The following TANGO2 variants were observed in gnomAD, a reference collection of about 807,000 sequenced individuals.
TANGO2 encodes transport and golgi organization 2 homolog, also known as transport and Golgi organization protein 2 homolog.
A neutral mutation model predicts 39.1 loss-of-function variants in TANGO2; 26 were observed. That is an observed-to-expected ratio of 0.67 (90% CI 0.49 to 0.92). The LOEUF (loss-of-function observed/expected upper bound fraction) is 0.92. Ranked by LOEUF, TANGO2 falls within the 40% of genes least tolerant of loss-of-function variation. The probability of loss-of-function intolerance (pLI) is 0.00; values close to 1 mark genes in which losing one functional copy is unlikely to be tolerated. For missense variants in TANGO2, 326 were observed against 360.1 expected, an observed-to-expected ratio of 0.91 and a Z score of 0.77; for synonymous variants, 131 against 144.5, an observed-to-expected ratio of 0.91 and a Z score of 0.67.
At chr22:20,058,631 G>T (rs2047811009) in intron 6 of TANGO2, among the ~76,000 whole-genome samples, 1 of 144,282 alleles carries the variant, frequency 6.9e-6, no homozygotes, top group Non-Finnish European at 1.5e-5. Flanking sequence ...GACAGAGTGA[G>T]ATTGCATCTC....
chr22:20,052,732 T>C, intron 4 of TANGO2, 148 bp downstream of exon 4: 1 of 1,055,546 alleles, frequency 9.5e-7, no homozygotes, highest in Non-Finnish European at 1.4e-6. Flanking sequence ...TGCTTGTGCT[T>C]GGGAGTGGGA....
rs1455628044 is a variant in TANGO2 at position 20,063,458 on chromosome 22, G to A, written c.710+16G>A. The A allele has an allele frequency of 6.2e-7, 1 of 1,605,776 alleles. No individual in the cohort carries two copies. Among genetic ancestry groups the A allele is most frequent in the Non-Finnish European group, 8.5e-7 (1 of 1,174,800 alleles). On this transcript the variant is annotated intron_variant, in intron 8 of 8. Transcript: ENST00000327374. ...ACGGCACCAGGTATTGCAGCACCGT[G>A]GGTGCGCCACCTCCTATCCCATGTC... is the stretch of plus-strand genomic sequence containing the variant.
At position 20,066,746 on chromosome 22, in the gene TANGO2, A is replaced by G. The variant is rs1027685600; in HGVS notation, c.*2084A>G. Among the ~76,000 whole-genome samples, 2 of 152,034 alleles carry G rather than the reference A, an allele frequency of 1.3e-5. No homozygotes were observed. Among genetic ancestry groups the G allele is most frequent in the Non-Finnish European group, 2.9e-5 (2 of 67,980 alleles). ...ACATTCACCTGCCCCAGTGGCTACC[A>G]TGTCCTGTGCCGGTGACCAGTGCCA... On this transcript the variant is annotated 3_prime_UTR_variant, in exon 9 of 9. Transcript: ENST00000327374.
At chr22:20,036,537 G>A (rs1185214699) in intron 1 of TANGO2, among the ~76,000 whole-genome samples, 1 of 152,212 alleles carries the variant, frequency 6.6e-6, no homozygotes, top group African/African-American at 2.4e-5. Flanking sequence ...CAGGGCTGGT[G>A]TTGCAGGTGG....
At chr22:20,051,691 A>C (rs1336279911) in intron 3 of TANGO2, among the ~76,000 whole-genome samples, 1 of 151,994 alleles carries the variant, frequency 6.6e-6, no homozygotes, top group East Asian at 1.9e-4. Flanking sequence ...GTCTGTACAA[A>C]AAAATGCAAA....
intron 1 of TANGO2, among the ~76,000 whole-genome samples, chr22:20,028,614 C>T (rs986197900): frequency 1.3e-5 from 2 of 152,188 alleles, no homozygotes; most frequent in African/African-American, 2.4e-5. Context: ...GAGGGACCAG[C>T]GTTTCTTGGT....
At chr22:20,049,238 C>T (rs1569300036) in intron 3 of TANGO2, among the ~76,000 whole-genome samples, 4 of 152,202 alleles carry the variant, frequency 2.6e-5, no homozygotes, top group Admixed American at 6.5e-5. Context: ...ATTACTATGG[C>T]AACTTGGTTG....
At chr22:20,036,933 G>C in intron 2 of TANGO2, 79 bp downstream of exon 2, 5 of 1,614,092 alleles carry the variant, frequency 3.1e-6, no homozygotes, top group Non-Finnish European at 4.2e-6. Context: ...CCAAGCTGCT[G>C]TGTGCAGGAA....
intron 1 of TANGO2, among the ~76,000 whole-genome samples, chr22:20,024,493 T>C (rs1028251497): frequency 1.3e-5 from 2 of 152,226 alleles, no homozygotes; most frequent in African/African-American, 4.8e-5. Flanking sequence ...CCCTGGGGGC[T>C]GCCACCGCTG....
chr22:20,042,015 T>C (rs950393025), intron 2 of TANGO2, among the ~76,000 whole-genome samples: 6 of 151,620 alleles, frequency 4.0e-5, no homozygotes, highest in Non-Finnish European at 7.4e-5. Flanking sequence ...ACAGGGCTTC[T>C]CTGTTCCCCA....
rs184343943 is a variant in TANGO2 at position 20,065,930 on chromosome 22, C to G, written c.*1268C>G. On this transcript the variant is annotated 3_prime_UTR_variant, in exon 9 of 9. Transcript: ENST00000327374. ...CTCTGAGGCTTTGGTGAGCGCATTTCGAGGCCTTTCCCTTGTATGCAGGGT... is the reference window on the plus strand; with the variant it reads ...CTCTGAGGCTTTGGTGAGCGCATTTGGAGGCCTTTCCCTTGTATGCAGGGT... The G allele has an allele frequency of 1.3e-5, 2 of 152,278 alleles. No homozygotes were observed. Among genetic ancestry groups the G allele is most frequent in the Non-Finnish European group, 2.9e-5 (2 of 68,106 alleles). The allele number at this position is 152,278 out of a possible 1,614,324, so 9.4% of individuals were successfully genotyped here. A position where few individuals can be genotyped will look rare whatever the true frequency, so the allele number is the denominator to read the frequency against.
upstream of TANGO2, among the ~76,000 whole-genome samples, chr22:20,017,736 C>T (rs79693817): frequency 0.026 from 3,944 of 152,292 alleles, 87 homozygotes; most frequent in Admixed American, 0.068. Flanking sequence ...CATTTCCTTG[C>T]CAGATTAAGA....
chr22:20,032,979 G>A (rs541944246), intron 1 of TANGO2, among the ~76,000 whole-genome samples: 155 of 152,292 alleles, frequency 1.0e-3, no homozygotes, highest in Non-Finnish European at 1.7e-3. Flanking sequence ...TGGGGACCTT[G>A]TAGGACCTAG....
At chr22:20,050,357 G>GTTTTTTTTTTTTTTT (rs1491540119) in intron 3 of TANGO2, among the ~76,000 whole-genome samples, 3 of 69,204 alleles carry the variant, frequency 4.3e-5, no homozygotes, top group African/African-American at 5.4e-5. Flanking sequence ...TTTTCCTGGT[G>GTTTTTTTTTTTTTTT]GTTTTTTTTT....
chr22:20,044,993 G>T (rs888219095), intron 3 of TANGO2, among the ~76,000 whole-genome samples: 1 of 152,154 alleles, frequency 6.6e-6, no homozygotes, highest in Middle Eastern at 3.2e-3. Flanking sequence ...ATGTACACGG[G>T]CTTCTGCCAA....
intron 3 of TANGO2, among the ~76,000 whole-genome samples, chr22:20,047,515 G>A (rs1043295149): frequency 3.3e-5 from 5 of 152,130 alleles, no homozygotes; most frequent in Non-Finnish European, 5.9e-5. Context: ...GATTAGAGGC[G>A]TGAGCCACCT....
chr22:20,019,413 C>T (rs1323101230), upstream of TANGO2: 1 of 152,236 alleles, frequency 6.6e-6, no homozygotes, highest in African/African-American at 2.4e-5. Flanking sequence ...TTTCATCTGC[C>T]GTCACCTGCT....
At chr22:20,043,808 C>T (rs760793586) in intron 3 of TANGO2, among the ~76,000 whole-genome samples, 1 of 152,086 alleles carries the variant, frequency 6.6e-6, no homozygotes, top group South Asian at 2.1e-4. Context: ...TGTGTGCATG[C>T]GTGTGTATGC....
At chr22:20,036,353 C>T (rs574288703) in intron 1 of TANGO2, among the ~76,000 whole-genome samples, 109 of 152,322 alleles carry the variant, frequency 7.2e-4, no homozygotes, top group Non-Finnish European at 1.5e-3. Flanking sequence ...TTAAAAGTCT[C>T]ACTTTCGCTG....
Sources: gnomAD v4.1 joint callset for allele counts (sites outside exome capture counted in the v4.1 genomes callset) on GRCh38, gnomAD v4.1.1 for gene constraint, MANE v1.5 for transcripts, NCBI Gene and HGNC (gene_info 2026-07-23, HGNC 2026-07-21) for gene names.